CNTNAP2: variants seen among roughly 807,000 people sequenced by gnomAD.
The protein encoded by CNTNAP2 is contactin-associated protein-like 2.
In CNTNAP2, 98 loss-of-function variants were observed where a neutral mutation model predicts 155.2. The observed-to-expected ratio is 0.63, with a 90% CI of 0.54 to 0.75. The LOEUF (loss-of-function observed/expected upper bound fraction) is 0.75, where lower values mean the gene tolerates loss of function less well. Ranked by LOEUF, CNTNAP2 falls within the 30% of genes least tolerant of loss-of-function variation. The pLI is 0.00. For missense variants in CNTNAP2, 1,727 were observed against 1,688.1 expected, an observed-to-expected ratio of 1.02 and a Z score of -0.40; for synonymous variants, 651 against 631.2, an observed-to-expected ratio of 1.03 and a Z score of -0.47.
intron 12 of CNTNAP2, among the ~76,000 whole-genome samples, chr7:147,574,609 T>C (rs1485304485): frequency 1.4e-5 from 2 of 141,068 alleles, no homozygotes; most frequent in East Asian, 4.2e-4. Context: ...TCTTTATTAG[T>C]CAGGTTCTCT....
chr7:146,158,192 A>T (rs914249464), intron 1 of CNTNAP2, among the ~76,000 whole-genome samples: 1 of 152,204 alleles, frequency 6.6e-6, no homozygotes, highest in African/African-American at 2.4e-5. Context: ...TAGAAAGAAA[A>T]GTAACAAACA....
intron 7 of CNTNAP2, among the ~76,000 whole-genome samples, chr7:147,131,909 A>G (rs1310852844): frequency 6.6e-6 from 1 of 151,856 alleles, no homozygotes; most frequent in African/African-American, 2.4e-5. Flanking sequence ...CTGTCTTCAG[A>G]AAGTCTAGTG....
intron 10 of CNTNAP2, among the ~76,000 whole-genome samples, chr7:147,444,432 A>G (rs1797695983): frequency 6.6e-6 from 1 of 152,082 alleles, no homozygotes; most frequent in African/African-American, 2.4e-5. Context: ...AGAATTCTAA[A>G]GCTTACATTA....
At chr7:147,609,510 G>A (rs937807851) in intron 12 of CNTNAP2, among the ~76,000 whole-genome samples, 36 of 152,154 alleles carry the variant, frequency 2.4e-4, no homozygotes, top group Middle Eastern at 3.4e-3. Flanking sequence ...CAGCCTGGGT[G>A]ACAGAGCGAG....
chr7:146,731,558 T>C (rs1212694137), intron 1 of CNTNAP2, among the ~76,000 whole-genome samples: 1 of 152,070 alleles, frequency 6.6e-6, no homozygotes, highest in Non-Finnish European at 1.5e-5. Flanking sequence ...AAGAAACCTT[T>C]CATAAATCTA....
intron 1 of CNTNAP2, among the ~76,000 whole-genome samples, chr7:146,423,967 A>C (rs1050881689): frequency 2.0e-5 from 3 of 152,042 alleles, no homozygotes; most frequent in Admixed American, 2.0e-4. Context: ...AGATGAAGTG[A>C]CCCTCCTCAG....
At chr7:147,421,219 A>G (rs1444139148) in intron 10 of CNTNAP2, among the ~76,000 whole-genome samples, 18 of 152,184 alleles carry the variant, frequency 1.2e-4, no homozygotes, top group Non-Finnish European at 2.9e-5. Flanking sequence ...TGTTATTTTA[A>G]AAGTTCATTT....
intron 1 of CNTNAP2, among the ~76,000 whole-genome samples, chr7:146,509,545 G>T (rs757122596): frequency 6.6e-6 from 1 of 152,100 alleles, no homozygotes; most frequent in African/African-American, 2.4e-5. Flanking sequence ...CCCACCCCTG[G>T]GGCCTCAATG....
intron 9 of CNTNAP2, among the ~76,000 whole-genome samples, chr7:147,368,549 G>A (rs541304527): frequency 1.3e-5 from 2 of 152,258 alleles, no homozygotes; most frequent in African/African-American, 4.8e-5. Context: ...CCACTGCTTG[G>A]TTCCTGTCCT....
At chr7:147,502,029 C>T (rs1798823398) in intron 11 of CNTNAP2, among the ~76,000 whole-genome samples, 2 of 152,038 alleles carry the variant, frequency 1.3e-5, no homozygotes, top group African/African-American at 2.4e-5. Flanking sequence ...AGTGAAGGAT[C>T]CATACATTGA....
intron 8 of CNTNAP2, among the ~76,000 whole-genome samples, chr7:147,258,380 C>T (rs1456279466): frequency 6.6e-6 from 1 of 152,038 alleles, no homozygotes; most frequent in Non-Finnish European, 1.5e-5. Context: ...TTCCTTCTAG[C>T]AACTTGAAAC....
chr7:147,744,785 C>G (rs1198173631), intron 13 of CNTNAP2, among the ~76,000 whole-genome samples: 2 of 152,100 alleles, frequency 1.3e-5, no homozygotes, highest in Non-Finnish European at 2.9e-5. Flanking sequence ...TCTTTCTCTT[C>G]TAAGGACACC....
intron 9 of CNTNAP2, chr7:147,377,873 C>G: frequency 3.0e-5 from 11 of 364,476 alleles, no homozygotes; most frequent in South Asian, 2.4e-4. Context: ...TTATAGCATG[C>G]TGTGTTTAGT....
At chr7:148,147,081 ATTGTATGTGGAAT>A (rs892263409) in intron 16 of CNTNAP2, among the ~76,000 whole-genome samples, 2 of 152,116 alleles carry the variant, frequency 1.3e-5, no homozygotes, top group Admixed American at 1.3e-4. Context: ...GAAAAGGTAA[ATTGTATGTGGAAT>A]TAGAAGATAT....
intron 1 of CNTNAP2, among the ~76,000 whole-genome samples, chr7:146,366,983 A>T (rs1272893303): frequency 1.3e-5 from 2 of 152,166 alleles, no homozygotes; most frequent in African/African-American, 4.8e-5. Flanking sequence ...TCCTTGAAAG[A>T]CCATAGTTAA....
intron 1 of CNTNAP2, among the ~76,000 whole-genome samples, chr7:146,697,646 C>A (rs980037857): frequency 1.3e-4 from 20 of 152,060 alleles, no homozygotes; most frequent in African/African-American, 4.8e-4. Flanking sequence ...CTGTATCTTT[C>A]TCCATCCCTT....
At chr7:148,310,178 G>C (rs767209196) in intron 21 of CNTNAP2, among the ~76,000 whole-genome samples, 37 of 152,230 alleles carry the variant, frequency 2.4e-4, no homozygotes, top group Non-Finnish European at 4.4e-4. Context: ...CATCTAACTA[G>C]AGAGTGTCCA....
At chr7:147,973,731 G>A (rs1053502948) in intron 14 of CNTNAP2, among the ~76,000 whole-genome samples, 1 of 152,136 alleles carries the variant, frequency 6.6e-6, no homozygotes, top group African/African-American at 2.4e-5. Flanking sequence ...ACATAGTGGT[G>A]TTTTGGCTTA....
At chr7:147,886,334 G>T (rs1799597509) in intron 13 of CNTNAP2, among the ~76,000 whole-genome samples, 1 of 151,838 alleles carries the variant, frequency 6.6e-6, no homozygotes, top group Admixed American at 6.6e-5. Context: ...AATTATCCAG[G>T]TGTGGTGGCA....
Sources: gnomAD v4.1 joint callset for allele counts (sites outside exome capture counted in the v4.1 genomes callset) on GRCh38, gnomAD v4.1.1 for gene constraint, MANE v1.5 for transcripts, NCBI Gene and HGNC (gene_info 2026-07-23, HGNC 2026-07-21) for gene names.